The following LRMDA variants were observed in gnomAD, a reference collection of about 807,000 sequenced individuals.
The protein encoded by LRMDA is leucine-rich melanocyte differentiation-associated protein.
In LRMDA, 18 loss-of-function variants were observed where a neutral mutation model predicts 29.8. The ratio of observed to expected loss-of-function variants is 0.60; its 90% confidence interval spans 0.42 to 0.90. LRMDA has a LOEUF of 0.90. Among genes scored for constraint, LRMDA ranks in the 40% least tolerant of loss-of-function variants. LRMDA has a pLI of 0.00. For missense variants in LRMDA, 273 were observed against 273.9 expected (o/e 1.00, Z 0.02); for synonymous variants, 125 against 109.4 (o/e 1.14, Z -0.89).
At chr10:75,902,965 G>A (rs1382808594) in intron 2 of LRMDA, among the ~76,000 whole-genome samples, 1 of 152,166 alleles carries the variant, frequency 6.6e-6, no homozygotes, top group Non-Finnish European at 1.5e-5. Context: ...TAAATGGAGA[G>A]TCTGGCAGGG....
At chr10:76,426,353 T>A (rs1234632840) in intron 6 of LRMDA, among the ~76,000 whole-genome samples, 1 of 152,234 alleles carries the variant, frequency 6.6e-6, no homozygotes, top group African/African-American at 2.4e-5. Context: ...TGATGGCCAG[T>A]GATGATGAGC....
chr10:76,549,707 G>A (rs140715744), intron 6 of LRMDA, among the ~76,000 whole-genome samples: 118 of 152,186 alleles, frequency 7.8e-4, no homozygotes, highest in African/African-American at 2.7e-3. Context: ...AACAATGTTG[G>A]TAGAAATAAT....
chr10:76,441,264 G>A (rs1842299568), intron 6 of LRMDA, among the ~76,000 whole-genome samples: 1 of 152,186 alleles, frequency 6.6e-6, no homozygotes, highest in African/African-American at 2.4e-5. Flanking sequence ...AGTTTCTAAA[G>A]CAAACAGAAT....
chr10:75,972,956 T>C (rs557452175), intron 2 of LRMDA, among the ~76,000 whole-genome samples: 2 of 152,148 alleles, frequency 1.3e-5, no homozygotes, highest in African/African-American at 2.4e-5. Flanking sequence ...CTACCCTGTG[T>C]GCTACACTGG....
At chr10:75,515,538 A>G (rs1845278974) in intron 2 of LRMDA, among the ~76,000 whole-genome samples, 1 of 151,778 alleles carries the variant, frequency 6.6e-6, no homozygotes, top group Admixed American at 6.6e-5. Flanking sequence ...ATGCCTAGCT[A>G]AGTTTTTGGA....
chr10:75,867,319 C>G (rs1175837419), intron 2 of LRMDA, among the ~76,000 whole-genome samples: 1 of 152,154 alleles, frequency 6.6e-6, no homozygotes, highest in Admixed American at 6.5e-5. Context: ...CCCGCCACCA[C>G]GCCTGGCTAA....
intron 2 of LRMDA, among the ~76,000 whole-genome samples, chr10:75,994,911 T>C (rs553773122): frequency 2.6e-5 from 4 of 152,318 alleles, no homozygotes; most frequent in Admixed American, 2.6e-4. Flanking sequence ...AGGTTAGCAT[T>C]TTGTAGTTTG....
chr10:75,631,835 C>T lies in LRMDA; in HGVS notation c.131+193341C>T, dbSNP rs1313567907. Among the ~76,000 whole-genome samples, 5 of 152,118 alleles carry T rather than the reference C, an allele frequency of 3.3e-5. No individual in the cohort carries two copies. In the South Asian group the frequency reaches 6.2e-4, roughly 19 times the overall value. ...CTATGACTGGCATTGATGTGGTTTTCGCCATGGTCTTCTGGAGGGTAAAGC... is the reference window on the plus strand; with the variant it reads ...CTATGACTGGCATTGATGTGGTTTTTGCCATGGTCTTCTGGAGGGTAAAGC... On this transcript the variant is annotated intron_variant, in intron 2 of 6. Transcript: ENST00000611255.
intron 2 of LRMDA, among the ~76,000 whole-genome samples, chr10:75,983,727 T>C (rs1847214006): frequency 6.6e-6 from 1 of 152,230 alleles, no homozygotes; most frequent in Non-Finnish European, 1.5e-5. Context: ...CAATCTTGGC[T>C]AACTGCAACC....
At chr10:76,062,659 T>TGTGTGC (rs1224003746) in intron 5 of LRMDA, among the ~76,000 whole-genome samples, 4 of 45,626 alleles carry the variant, frequency 8.8e-5, no homozygotes, top group Non-Finnish European at 1.7e-4. Context: ...TATCTCTCTG[T>TGTGTGC]GTGTGTGTGT....
intron 6 of LRMDA, among the ~76,000 whole-genome samples, chr10:76,380,139 T>A (rs1304059914): frequency 1.3e-5 from 2 of 152,186 alleles, no homozygotes; most frequent in East Asian, 3.9e-4. Flanking sequence ...AATGTCTATT[T>A]TGGAGAATAT....
intron 2 of LRMDA, among the ~76,000 whole-genome samples, chr10:75,963,026 C>G (rs1199199138): frequency 6.6e-6 from 1 of 152,220 alleles, no homozygotes; most frequent in African/African-American, 2.4e-5. Flanking sequence ...TAGAGCCCAG[C>G]ATACATGTTG....
intron 5 of LRMDA, 41 bp downstream of exon 5, chr10:76,058,824 C>G (rs372533253): frequency 1.3e-6 from 2 of 1,483,398 alleles, no homozygotes; most frequent in Non-Finnish European, 9.4e-7. Flanking sequence ...GGATTTACAT[C>G]TCATGGCAGT....
chr10:76,015,620 C>T (rs1171274625), intron 2 of LRMDA, among the ~76,000 whole-genome samples: 1 of 152,094 alleles, frequency 6.6e-6, no homozygotes, highest in East Asian at 1.9e-4. Context: ...GAGGTCCAGC[C>T]CACACTCAAG....
At chr10:75,529,480 A>AACC (rs1435568986) in intron 2 of LRMDA, among the ~76,000 whole-genome samples, 1 of 152,190 alleles carries the variant, frequency 6.6e-6, no homozygotes, top group Non-Finnish European at 1.5e-5. Flanking sequence ...CAAGAGAGTA[A>AACC]ACCAGAAAGG....
At chr10:75,506,642 C>T (rs951679961) in intron 2 of LRMDA, among the ~76,000 whole-genome samples, 2 of 152,144 alleles carry the variant, frequency 1.3e-5, no homozygotes, top group Non-Finnish European at 2.9e-5. Flanking sequence ...GGTGGAGAGA[C>T]ATGGACCATG....
At chr10:75,585,528 A>T (rs146852235) in intron 2 of LRMDA, among the ~76,000 whole-genome samples, 2 of 152,342 alleles carry the variant, frequency 1.3e-5, no homozygotes, top group African/African-American at 4.8e-5. Context: ...GTCATAAAGT[A>T]TGTGCATGGT....
chr10:75,460,569 CTTTTAA>C (rs996513463), intron 2 of LRMDA, among the ~76,000 whole-genome samples: 4 of 151,952 alleles, frequency 2.6e-5, no homozygotes, highest in African/African-American at 9.7e-5. Flanking sequence ...TTTCAAACTG[CTTTTAA>C]TTTTATTTTT....
intron 2 of LRMDA, among the ~76,000 whole-genome samples, chr10:75,923,769 G>A (rs192932289): frequency 2.3e-4 from 35 of 152,244 alleles, no homozygotes; most frequent in Middle Eastern, 6.8e-3. Flanking sequence ...CTCTGTGTGT[G>A]ACACCCTTCA....
Sources: gnomAD v4.1 joint callset for allele counts (sites outside exome capture counted in the v4.1 genomes callset) on GRCh38, gnomAD v4.1.1 for gene constraint, MANE v1.5 for transcripts, NCBI Gene and HGNC (gene_info 2026-07-23, HGNC 2026-07-21) for gene names.